The following CACNA1D variants were observed in gnomAD, a reference collection of about 807,000 sequenced individuals.
CACNA1D encodes voltage-dependent L-type calcium channel subunit alpha-1D.
In CACNA1D, 55 loss-of-function variants were observed where a neutral mutation model predicts 257.1. The ratio of observed to expected loss-of-function variants is 0.21; its 90% CI spans 0.17 to 0.27. The LOEUF is 0.27. Ranked by LOEUF, CACNA1D falls within the 10% of genes least tolerant of loss-of-function variation. The pLI is 1.00. For synonymous variants in CACNA1D, 980 were observed against 1,014.9 expected (o/e 0.97, Z 0.65); for missense variants, 1,876 against 2,784.0 (o/e 0.67, Z 7.34).
rs751890269 is a variant in CACNA1D, at chr3:53,762,070, A to G, written c.3859A>G (p.Ser1287Gly). 2.5e-6 allele frequency: 4 copies of G among 1,611,508 alleles called. No individual in the cohort carries two copies. Among genetic ancestry groups the G allele is most frequent in the South Asian group, 1.1e-5 (1 of 91,008 alleles). Residue 1287 changes from serine (S) to glycine (G), a missense_variant, in exon 30 of 48, where the codon AGC (serine) becomes GGC (glycine). Ser to Gly is a moderately conservative substitution (Grantham distance 56, BLOSUM62 0). Transcript: ENST00000350061. Reference sequence around the variant, plus strand: ...CGGCAGCATTATAGACGTGGCCCTCAGCGAAGCAGACGTGAGTATGCACCT... The same window carrying G: ...CGGCAGCATTATAGACGTGGCCCTCGGCGAAGCAGACGTGAGTATGCACCT... ...VIGSIIDVAL[S>G]EADPTESENV...
At chr3:53,585,791 C>A (rs2093205303) in intron 3 of CACNA1D, among the ~76,000 whole-genome samples, 1 of 152,284 alleles carries the variant, frequency 6.6e-6, no homozygotes, top group East Asian at 1.9e-4. Flanking sequence ...GCTTTCACAT[C>A]CCCTGTTTGA....
intron 27 of CACNA1D, among the ~76,000 whole-genome samples, chr3:53,749,893 G>A (rs892935086): frequency 6.6e-6 from 1 of 152,318 alleles, no homozygotes; most frequent in African/African-American, 2.4e-5. Flanking sequence ...ATGATTCTTG[G>A]TTGTGTTTCC....
intron 3 of CACNA1D, among the ~76,000 whole-genome samples, chr3:53,608,507 A>G (rs1332817465): frequency 1.3e-5 from 2 of 152,160 alleles, no homozygotes; most frequent in Admixed American, 6.5e-5. Context: ...TGAAACCTCT[A>G]TTACGATGTG....
intron 3 of CACNA1D, among the ~76,000 whole-genome samples, chr3:53,538,585 C>CCT (rs1246443996): frequency 1.3e-5 from 2 of 152,118 alleles, no homozygotes; most frequent in African/African-American, 4.8e-5. Context: ...AGTTACTGAC[C>CCT]CTCAGATCAT....
At chr3:53,677,340 C>T (rs1366679476) in intron 8 of CACNA1D, among the ~76,000 whole-genome samples, 1 of 152,254 alleles carries the variant, frequency 6.6e-6, no homozygotes, top group African/African-American at 2.4e-5. Flanking sequence ...TCTGGGACTT[C>T]ACTGAGTTAC....
chr3:53,712,579 G>A (rs2094771096), intron 9 of CACNA1D, among the ~76,000 whole-genome samples: 1 of 152,052 alleles, frequency 6.6e-6, no homozygotes, highest in African/African-American at 2.4e-5. Context: ...GATTTGGCAG[G>A]CCTGTACGTC....
chr3:53,797,954 A>G (rs2095515327), intron 40 of CACNA1D: 1 of 152,214 alleles, frequency 6.6e-6, no homozygotes, highest in African/African-American at 2.4e-5. Flanking sequence ...AAGCAGCAGC[A>G]GGTGTCTTAA....
chr3:53,553,935 A>G (rs368261453), intron 3 of CACNA1D, among the ~76,000 whole-genome samples: 34 of 151,218 alleles, frequency 2.2e-4, no homozygotes, highest in Non-Finnish European at 1.5e-4. Flanking sequence ...GGTGGCTCAC[A>G]CCTGTAATCT....
At chr3:53,809,693 A>C (rs987332004) in intron 46 of CACNA1D, 7 of 489,062 alleles carry the variant, frequency 1.4e-5, no homozygotes, top group African/African-American at 1.4e-4. Context: ...GGCTTCCCTG[A>C]TTCTTCATTC....
chr3:53,577,717 A>T (rs981440837), intron 3 of CACNA1D, among the ~76,000 whole-genome samples: 2 of 152,052 alleles, frequency 1.3e-5, no homozygotes, highest in South Asian at 4.1e-4. Context: ...CGCCCTGGAG[A>T]TGTGAGGGCT....
rs369720786 is a variant in CACNA1D at position 53,566,851 on chromosome 3, A to G, written c.483+65131A>G. ...ATTACATGCTAAGCACCTTGAGACA[A>G]AGGTCTGTCTTAAGTTCTTTCCCTA... On this transcript the variant is annotated intron_variant, in intron 3 of 47. Coordinates refer to ENST00000350061, the MANE Select transcript of CACNA1D (RefSeq NM_001128840.3). Among the ~76,000 whole-genome samples, 12 of 152,282 alleles carry G rather than the reference A, an allele frequency of 7.9e-5. No individual in the cohort carries two copies. In the East Asian group the frequency reaches 1.9e-3, roughly 25 times the overall value.
intron 3 of CACNA1D, among the ~76,000 whole-genome samples, chr3:53,507,071 T>TGA (rs2090877868): frequency 3.0e-5 from 1 of 33,040 alleles, no homozygotes; most frequent in Non-Finnish European, 5.8e-5. Flanking sequence ...AGACTCTATC[T>TGA]CAAAAAAAAA....
At chr3:53,690,221 C>T (rs748590297) in intron 8 of CACNA1D, among the ~76,000 whole-genome samples, 14 of 152,204 alleles carry the variant, frequency 9.2e-5, no homozygotes, top group African/African-American at 2.2e-4. Context: ...AGAGGAAACC[C>T]GCTGTGGGAC....
intron 3 of CACNA1D, among the ~76,000 whole-genome samples, chr3:53,636,149 A>G (rs1431522328): frequency 6.6e-6 from 1 of 152,096 alleles, no homozygotes; most frequent in Non-Finnish European, 1.5e-5. Flanking sequence ...AAGAGTTACT[A>G]TTTATCACAA....
intron 3 of CACNA1D, among the ~76,000 whole-genome samples, chr3:53,588,688 GCTTTCTTTTTTAC>G (rs2093257758): frequency 1.3e-5 from 2 of 152,104 alleles, no homozygotes; most frequent in South Asian, 4.1e-4. Context: ...CTGGCTAGCT[GCTTTCTTTTTTAC>G]CTTTCAGTTT....
At chr3:53,729,634 G>A (rs1170027399) in intron 15 of CACNA1D, among the ~76,000 whole-genome samples, 1 of 152,172 alleles carries the variant, frequency 6.6e-6, no homozygotes, top group Non-Finnish European at 1.5e-5. Context: ...ATTCAAGAAA[G>A]CCATGTATAC....
chr3:53,640,783 G>A (rs1241894338), intron 3 of CACNA1D, among the ~76,000 whole-genome samples: 1 of 152,230 alleles, frequency 6.6e-6, no homozygotes, highest in Non-Finnish European at 1.5e-5. Context: ...AGTGGGTGCT[G>A]CCTGAATGGC....
At chr3:53,791,089 T>C (rs1357021081) in intron 40 of CACNA1D, 20 of 698,436 alleles carry the variant, frequency 2.9e-5, no homozygotes, top group Non-Finnish European at 5.2e-5. Context: ...TCAAGTGGGC[T>C]TATTTCTACT....
At chr3:53,685,516 C>T (rs1165797167) in intron 8 of CACNA1D, among the ~76,000 whole-genome samples, 1 of 152,030 alleles carries the variant, frequency 6.6e-6, no homozygotes, top group African/African-American at 2.4e-5. Context: ...TCAATAATTG[C>T]GGAATACACA....
Sources: gnomAD v4.1 joint callset for allele counts (sites outside exome capture counted in the v4.1 genomes callset) on GRCh38, gnomAD v4.1.1 for gene constraint, MANE v1.5 for transcripts, NCBI Gene and HGNC (gene_info 2026-07-23, HGNC 2026-07-21) for gene names.